PLPPR1: variants seen among roughly 807,000 people sequenced by gnomAD.
The protein encoded by PLPPR1 is phospholipid phosphatase-related protein type 1.
PLPPR1 carries 10 observed loss-of-function variants against 33.1 expected under a neutral mutation model. The ratio of observed to expected loss-of-function variants is 0.30; its 90% confidence interval spans 0.19 to 0.51. PLPPR1 has a LOEUF of 0.51. Among genes scored for constraint, PLPPR1 ranks in the 20% least tolerant of loss-of-function variants. PLPPR1 has a pLI of 0.97. For synonymous variants in PLPPR1, 151 were observed against 151.0 expected, an observed-to-expected ratio of 1.00 and a Z score of 0.00; for missense variants, 304 against 408.1, an observed-to-expected ratio of 0.74 and a Z score of 2.20.
Position 101,280,467 on chromosome 9 carries a change from C to T in PLPPR1, c.253-5637C>T, listed in dbSNP as rs1828277683. Among the ~76,000 whole-genome samples the T allele has an allele frequency of 2.0e-5, 3 of 152,014 alleles. No individual in the cohort carries two copies. The South Asian group carries it at 6.2e-4, about 32-fold the overall frequency. ...GCCAGTATTGCCCTTATATCAAAAC[C>T]AGACAAAGACACATCAAAAAAAGGA... On this transcript the variant is annotated intron_variant, in intron 3 of 7. Transcript: ENST00000374874.
chr9:101,064,005 G>A (rs1036529966), intron 1 of PLPPR1, among the ~76,000 whole-genome samples: 14 of 152,030 alleles, frequency 9.2e-5, no homozygotes, highest in Non-Finnish European at 1.0e-4. Flanking sequence ...CTAAATTAAA[G>A]CAGAAGGCTC....
In PLPPR1 at chr9:101,265,951, G is replaced by A. The variant is rs538207228; in HGVS notation, c.64-3929G>A. On this transcript the variant is annotated intron_variant, in intron 2 of 7. Coordinates refer to ENST00000374874, the MANE Select transcript of PLPPR1 (RefSeq NM_207299.2). ...GCAGAGGTTGCAGTGAGCCGAGATT[G>A]TGCCATTGCACACCAGCCTGGGCGA... is the stretch of plus-strand genomic sequence containing the variant. Among the ~76,000 whole-genome samples, 22 of 151,648 alleles carry A rather than the reference G, an allele frequency of 1.5e-4. No individual in the cohort carries two copies. The South Asian group carries it at 4.4e-3, about 30-fold the overall frequency.
intron 4 of PLPPR1, among the ~76,000 whole-genome samples, chr9:101,292,283 G>A (rs777580454): frequency 1.1e-4 from 17 of 152,166 alleles, no homozygotes; most frequent in Admixed American, 2.0e-4. Context: ...AAGAAATATG[G>A]GACTATGTGA....
chr9:101,042,308 T>C (rs1830086350), intron 1 of PLPPR1, among the ~76,000 whole-genome samples: 1 of 152,182 alleles, frequency 6.6e-6, no homozygotes, highest in African/African-American at 2.4e-5. Flanking sequence ...TTTTTGTTCC[T>C]TCAGGTGTTT....
rs77219264 is a variant in PLPPR1 at position 101,159,793 on chromosome 9, T to C, written c.-45-25657T>C. Among the ~76,000 whole-genome samples the C allele has an allele frequency of 4.1e-3, 626 of 152,340 alleles. 3 individuals carry two copies. Among genetic ancestry groups the C allele is most frequent in the African/African-American group, 0.014 (589 of 41,582 alleles). ...ATGCTTCCATGAAGAAAGAGGGCAC[T>C]GATAGGTACCCACCTGGTTGAAATG... On this transcript the variant is annotated intron_variant, in intron 1 of 7. Coordinates refer to ENST00000374874, the MANE Select transcript of PLPPR1 (RefSeq NM_207299.2).
intron 1 of PLPPR1, among the ~76,000 whole-genome samples, chr9:101,043,558 G>A (rs150168114): frequency 6.5e-4 from 99 of 151,658 alleles, no homozygotes; most frequent in African/African-American, 2.1e-3. Flanking sequence ...TGGGTATTTC[G>A]GCTGTTTCTA....
At chr9:101,251,071 T>C (rs1827705001) in intron 2 of PLPPR1, among the ~76,000 whole-genome samples, 1 of 152,074 alleles carries the variant, frequency 6.6e-6, no homozygotes, top group Non-Finnish European at 1.5e-5. Context: ...CATATTCAGC[T>C]GCCTCCTTCA....
chr9:101,179,914 A>G (rs1408615986), intron 1 of PLPPR1, among the ~76,000 whole-genome samples: 2 of 151,702 alleles, frequency 1.3e-5, no homozygotes, highest in African/African-American at 4.8e-5. Context: ...TGAAAAGGTT[A>G]GACTGGCCTA....
chr9:101,137,525 G>T (rs894116097), intron 1 of PLPPR1, among the ~76,000 whole-genome samples: 2 of 152,178 alleles, frequency 1.3e-5, no homozygotes, highest in Admixed American at 6.6e-5. Flanking sequence ...CTGGGTGGAG[G>T]TGGTCCTGTG....
At chr9:101,152,554 T>C (rs1302747147) in intron 1 of PLPPR1, among the ~76,000 whole-genome samples, 2 of 152,288 alleles carry the variant, frequency 1.3e-5, no homozygotes, top group Admixed American at 1.3e-4. Flanking sequence ...AGTCTTTAAT[T>C]CATCTTGAAT....
chr9:101,094,010 CCT>C (rs1399554999), intron 1 of PLPPR1, among the ~76,000 whole-genome samples: 1 of 152,204 alleles, frequency 6.6e-6, no homozygotes, highest in Non-Finnish European at 1.5e-5. Context: ...CTCTCCTGCT[CCT>C]CCTTTATCCA....
chr9:101,096,579 AT>A (rs1830820955), intron 1 of PLPPR1, among the ~76,000 whole-genome samples: 2 of 152,226 alleles, frequency 1.3e-5, no homozygotes, highest in African/African-American at 4.8e-5. Flanking sequence ...ATCAAAGTGA[AT>A]AGTTTAACAT....
intron 6 of PLPPR1, among the ~76,000 whole-genome samples, chr9:101,315,663 T>C (rs1285180009): frequency 6.6e-6 from 1 of 152,188 alleles, no homozygotes; most frequent in East Asian, 1.9e-4. Context: ...AGATCTGTGG[T>C]TGAATTGCTC....
intron 1 of PLPPR1, among the ~76,000 whole-genome samples, chr9:101,123,990 C>A (rs906483345): frequency 6.6e-6 from 1 of 152,118 alleles, no homozygotes; most frequent in Non-Finnish European, 1.5e-5. Context: ...CAGCTTCTCC[C>A]GACACTCAGC....
chr9:101,138,486 A>G (rs928381774), intron 1 of PLPPR1, among the ~76,000 whole-genome samples: 4 of 152,186 alleles, frequency 2.6e-5, no homozygotes, highest in African/African-American at 9.6e-5. Context: ...TGCTTTACAA[A>G]TATTATTTAT....
chr9:101,203,703 AT>A (rs1423335817), intron 2 of PLPPR1, among the ~76,000 whole-genome samples: 1 of 54,790 alleles, frequency 1.8e-5, no homozygotes, highest in Non-Finnish European at 5.3e-5. Context: ...GATACATTAT[AT>A]ATCTATATAC....
chr9:101,266,428 T>A (rs55993388), intron 2 of PLPPR1, among the ~76,000 whole-genome samples: 3 of 136,952 alleles, frequency 2.2e-5, no homozygotes, highest in African/African-American at 5.5e-5. Context: ...AAGAAAGAAA[T>A]AAAGAAAAAG....
chr9:101,276,861 T>C (rs1364336565), intron 3 of PLPPR1, among the ~76,000 whole-genome samples: 2 of 152,208 alleles, frequency 1.3e-5, no homozygotes, highest in African/African-American at 4.8e-5. Flanking sequence ...TTCAGAATCA[T>C]CCAAACAGCC....
chr9:101,240,638 C>T (rs1827444849), intron 2 of PLPPR1, among the ~76,000 whole-genome samples: 1 of 152,030 alleles, frequency 6.6e-6, no homozygotes, highest in Non-Finnish European at 1.5e-5. Context: ...CTCACGGTTC[C>T]TTCATAAATG....
Sources: allele counts gnomAD v4.1 joint callset (sites outside exome capture counted in the v4.1 genomes callset), GRCh38; gene constraint gnomAD v4.1.1; transcripts MANE v1.5; gene names NCBI Gene and HGNC (gene_info 2026-07-23, HGNC 2026-07-21).